The following TRARG1 variants were observed in gnomAD, a reference collection of about 807,000 sequenced individuals.
TRARG1 encodes the protein trafficking regulator of GLUT4 1.
TRARG1 carries 16 observed loss-of-function variants against 13.3 expected under a neutral mutation model. That is an observed-to-expected ratio of 1.20 (90% CI 0.81 to 1.83). The LOEUF is 1.83. Ranked by LOEUF, TRARG1 falls within the 40% of genes most tolerant of loss-of-function variation. TRARG1 has a pLI of 0.00. For synonymous variants in TRARG1, 113 were observed against 106.2 expected, an observed-to-expected ratio of 1.06 and a Z score of -0.39; for missense variants, 250 against 237.4, an observed-to-expected ratio of 1.05 and a Z score of -0.35.
chr17:1,293,726 T>A (rs764144274), intron 1 of TRARG1, among the ~76,000 whole-genome samples: 23 of 151,972 alleles, frequency 1.5e-4, no homozygotes, highest in Non-Finnish European at 2.6e-4. Flanking sequence ...CAGGTTGAAT[T>A]TGATGATGTC....
chr17:1,284,842 T>G (rs897597774), intron 1 of TRARG1, among the ~76,000 whole-genome samples: 5 of 151,780 alleles, frequency 3.3e-5, no homozygotes, highest in Admixed American at 1.3e-4. Flanking sequence ...CACCACACCC[T>G]GCTAATTTTT....
chr17:1,298,331 C>A lies in TRARG1; in HGVS notation c.*67C>A, dbSNP rs1397885264. ...ATCGGGAGAGCTCTGACCTGCACAC[C>A]GCGGGAGGCCAGGGTGCTGACTGTC... On this transcript the variant is annotated 3_prime_UTR_variant, in exon 3 of 3. Transcript: ENST00000333813. 4 of 1,569,704 alleles carry A rather than the reference C, an allele frequency of 2.5e-6. No homozygotes were observed. The highest frequency in any genetic ancestry group is 3.5e-6 in the Non-Finnish European group (4 of 1,148,676).
chr17:1,295,777 C>T (rs751268421), intron 2 of TRARG1, among the ~76,000 whole-genome samples, 154 bp downstream of exon 2: 5 of 152,194 alleles, frequency 3.3e-5, no homozygotes, highest in Admixed American at 1.3e-4. Flanking sequence ...CATAAAGTGC[C>T]CCAGTTCCCA....
intron 1 of TRARG1, among the ~76,000 whole-genome samples, chr17:1,280,867 C>A (rs1422656911): frequency 6.6e-6 from 1 of 152,190 alleles, no homozygotes; most frequent in African/African-American, 2.4e-5. Context: ...TTCCAAGAGT[C>A]GCAGCGGCTT....
At chr17:1,295,374 G>C in intron 1 of TRARG1, 117 bp from the exon 2 acceptor site, 1 of 1,324,436 alleles carries the variant, frequency 7.6e-7, no homozygotes, top group South Asian at 1.5e-5. Context: ...GCTGCCATGG[G>C]GACGGGATGT....
intron 2 of TRARG1, 93 bp downstream of exon 2, chr17:1,295,716 G>A: frequency 6.9e-7 from 1 of 1,444,578 alleles, no homozygotes; most frequent in South Asian, 1.4e-5. Flanking sequence ...GAGGTGGTGG[G>A]TTGGGGGAAG....
chr17:1,289,411 AC>A (rs1449501253), intron 1 of TRARG1, among the ~76,000 whole-genome samples: 2 of 21,358 alleles, frequency 9.4e-5, no homozygotes, highest in East Asian at 3.1e-3. Flanking sequence ...GGGCTCCTCA[AC>A]CCCCTCCGGC....
At chr17:1,290,542 C>T (rs1760868880) in intron 1 of TRARG1, among the ~76,000 whole-genome samples, 1 of 152,238 alleles carries the variant, frequency 6.6e-6, no homozygotes, top group East Asian at 1.9e-4. Flanking sequence ...GCAATCTGCC[C>T]ACCTTGGCCT....
intron 1 of TRARG1, among the ~76,000 whole-genome samples, 186 bp downstream of exon 1, chr17:1,280,574 G>A (rs553808591): frequency 6.6e-6 from 1 of 152,248 alleles, no homozygotes; most frequent in Admixed American, 6.5e-5. Flanking sequence ...GGGGCTGGAA[G>A]AGCTCCTGCT....
chr17:1,300,459 C>CACAA lies in TRARG1; in HGVS notation c.*2198_*2199insAACA, dbSNP rs1258500872. On this transcript the variant is annotated 3_prime_UTR_variant, in exon 3 of 3. Coordinates refer to ENST00000333813, the MANE Select transcript of TRARG1 (RefSeq NM_172367.3). ...TCTGCCGTGCACTCCTACACACACA[C>CACAA]ACACACACACACACGCTTGTTCACA... The CACAA allele has an allele frequency of 3.3e-5, 5 of 152,636 alleles. No individual in the cohort carries two copies. Among genetic ancestry groups the CACAA allele is most frequent in the Admixed American group, 3.3e-4 (5 of 15,268 alleles). 9.5% of individuals were successfully genotyped at this position (152,636 alleles called of 1,614,324 possible). A position where few individuals can be genotyped will look rare whatever the true frequency, so the allele number is the denominator to read the frequency against.
Position 1,280,038 on chromosome 17 carries a change from C to T in TRARG1, c.37C>T (p.Gln13Ter), listed in dbSNP as rs1168241505. 4 of 1,613,252 alleles carry T rather than the reference C, an allele frequency of 2.5e-6. No homozygotes were observed. The highest frequency in any genetic ancestry group is 3.3e-5 in the Admixed American group (2 of 60,026). The change falls in exon 1 of 3, where the codon CAG becomes TAG. Residue 13 changes from glutamine (Q) to a stop codon, truncating the protein, a stop_gained. Coordinates refer to ENST00000333813, the MANE Select transcript of TRARG1 (RefSeq NM_172367.3). LOFTEE classifies it high-confidence loss of function. The part of the protein sequence containing the change: ...HPVQSEFPSA[Q>*]EPGSAAFLDL... ...GGTGCAGTCCGAGTTTCCTTCAGCA[C>T]AGGAGCCAGGCTCCGCCGCATTCCT...
intron 1 of TRARG1, among the ~76,000 whole-genome samples, chr17:1,292,408 G>A (rs886343144): frequency 5.9e-5 from 9 of 152,008 alleles, no homozygotes; most frequent in Non-Finnish European, 8.8e-5. Context: ...CGGGACTCAC[G>A]TCCTACACTG....
At position 1,295,188 on chromosome 17, in the gene TRARG1, G is replaced by A. The variant is rs375210373; in HGVS notation, c.388-303G>A. On this transcript the variant is annotated intron_variant, in intron 1 of 2. Coordinates refer to ENST00000333813, the MANE Select transcript of TRARG1 (RefSeq NM_172367.3). ...ACCTGGTCCACCTTCTCAGGCCCTC[G>A]GTCTCTAGCCTGCCACCGCCACCTC... 1.0e-3 allele frequency among the ~76,000 whole-genome samples: 155 copies of A among 152,286 alleles called. 1 individual carries two copies. The highest frequency in any genetic ancestry group is 3.5e-3 in the African/African-American group (146 of 41,552).
intron 1 of TRARG1, among the ~76,000 whole-genome samples, chr17:1,293,224 C>T (rs1352812531): frequency 7.1e-6 from 1 of 141,700 alleles, no homozygotes; most frequent in Non-Finnish European, 1.5e-5. Context: ...GTGGAGCTTG[C>T]AGTGAACCGA....
intron 2 of TRARG1, among the ~76,000 whole-genome samples, chr17:1,297,592 CT>C (rs35978298): frequency 0.025 from 2,460 of 97,876 alleles, 68 homozygotes; most frequent in African/African-American, 0.066. Flanking sequence ...TTAGCCAGGA[CT>C]TTTTTTTTTT....
chr17:1,287,093 G>A (rs1410682750), intron 1 of TRARG1, among the ~76,000 whole-genome samples: 1 of 151,914 alleles, frequency 6.6e-6, no homozygotes, highest in Non-Finnish European at 1.5e-5. Context: ...AAGAGAAAAG[G>A]GGCCATGGGC....
chr17:1,279,982 C>T lies in TRARG1; in HGVS notation c.-20C>T, dbSNP rs376412049. On this transcript the variant is annotated 5_prime_UTR_variant, in exon 1 of 3. Coordinates refer to ENST00000333813, the MANE Select transcript of TRARG1 (RefSeq NM_172367.3). ...CCTTGTCCCAGCCTGGAGCTGCAGC[C>T]GCGCAAGGCCCAGGCCCCCATGGCC... The T allele has an allele frequency of 1.2e-5, 19 of 1,590,382 alleles. No individual in the cohort carries two copies. Among genetic ancestry groups the T allele is most frequent in the Non-Finnish European group, 1.5e-5 (17 of 1,167,222 alleles).
At chr17:1,292,291 CT>C (rs1470973607) in intron 1 of TRARG1, among the ~76,000 whole-genome samples, 5 of 152,256 alleles carry the variant, frequency 3.3e-5, no homozygotes, top group Non-Finnish European at 5.9e-5. Context: ...CCACCATCAT[CT>C]CACTGAACCT....
Position 1,279,957 on chromosome 17 carries a change from C to T in TRARG1, c.-45C>T. Reference sequence around the variant, plus strand: ...GGCGCGCTGAGGTCCCTCCAGAGCCCCTTGTCCCAGCCTGGAGCTGCAGCC... The same window carrying T: ...GGCGCGCTGAGGTCCCTCCAGAGCCTCTTGTCCCAGCCTGGAGCTGCAGCC... On this transcript the variant is annotated 5_prime_UTR_variant, in exon 1 of 3. Coordinates refer to ENST00000333813, the MANE Select transcript of TRARG1 (RefSeq NM_172367.3). The T allele has an allele frequency of 1.3e-6, 2 of 1,571,114 alleles. No individual in the cohort carries two copies. The highest frequency in any genetic ancestry group is 8.6e-7 in the Non-Finnish European group (1 of 1,157,838).
Sources: gnomAD v4.1 joint callset for allele counts (sites outside exome capture counted in the v4.1 genomes callset) on GRCh38, gnomAD v4.1.1 for gene constraint, MANE v1.5 for transcripts, NCBI Gene and HGNC (gene_info 2026-07-23, HGNC 2026-07-21) for gene names.